LYPLAL1: variants seen among roughly 807,000 people sequenced by gnomAD.
The protein encoded by LYPLAL1 is lysophospholipase-like protein 1.
A neutral mutation model predicts 19.7 loss-of-function variants in LYPLAL1; 23 were observed. The ratio of observed to expected loss-of-function variants is 1.17; its 90% CI spans 0.84 to 1.65. LYPLAL1 has a LOEUF of 1.65. Among genes scored for constraint, LYPLAL1 ranks in the 40% most tolerant of loss-of-function variants. LYPLAL1 has a pLI of 0.00. For synonymous variants in LYPLAL1, 119 were observed against 96.3 expected, an observed-to-expected ratio of 1.24 and a Z score of -1.38; for missense variants, 355 against 279.4, an observed-to-expected ratio of 1.27 and a Z score of -1.93.
the LYPLAL1 span, among the ~76,000 whole-genome samples, chr1:219,350,960 C>T: frequency 3.9e-5 from 6 of 151,996 alleles, no homozygotes; most frequent in Non-Finnish European, 8.8e-5. Flanking sequence ...GGGTCAGGGG[C>T]CATTTTCTGA....
At chr1:219,293,153 C>T in the LYPLAL1 span, among the ~76,000 whole-genome samples, 1 of 152,056 alleles carries the variant, frequency 6.6e-6, no homozygotes, top group Non-Finnish European at 1.5e-5. Flanking sequence ...TTGCAGGAGC[C>T]TTTTGAGGAG....
downstream of LYPLAL1, among the ~76,000 whole-genome samples, chr1:219,214,626 G>C (rs1026867727): frequency 6.5e-4 from 98 of 150,986 alleles, 3 homozygotes; most frequent in Admixed American, 6.4e-3. Context: ...TTTGCTTATA[G>C]ATATAAGTTG....
the LYPLAL1 span, among the ~76,000 whole-genome samples, chr1:219,299,764 T>C: frequency 1.3e-5 from 2 of 152,184 alleles, no homozygotes; most frequent in Admixed American, 1.3e-4. Context: ...TGGTTCAGAA[T>C]GGCCTGAAGG....
At chr1:219,441,505 A>G in the LYPLAL1 span, among the ~76,000 whole-genome samples, 1 of 152,210 alleles carries the variant, frequency 6.6e-6, no homozygotes, top group Non-Finnish European at 1.5e-5. Context: ...GAGGCTTATT[A>G]TGCTATTCTC....
At chr1:219,283,273 A>G in the LYPLAL1 span, among the ~76,000 whole-genome samples, 1 of 152,176 alleles carries the variant, frequency 6.6e-6, no homozygotes, top group Non-Finnish European at 1.5e-5. Context: ...CTTTGATTAT[A>G]ATATAGTAAA....
At chr1:219,407,712 A>G in the LYPLAL1 span, among the ~76,000 whole-genome samples, 1 of 152,192 alleles carries the variant, frequency 6.6e-6, no homozygotes, top group African/African-American at 2.4e-5. Flanking sequence ...GATGACAAAC[A>G]TATGTATCTT....
chr1:219,318,377 C>T, the LYPLAL1 span, among the ~76,000 whole-genome samples: 3 of 151,252 alleles, frequency 2.0e-5, no homozygotes, highest in African/African-American at 7.3e-5. Flanking sequence ...GTTACCCCCA[C>T]CCCTCCCCAC....
the LYPLAL1 span, among the ~76,000 whole-genome samples, chr1:219,434,167 A>G: frequency 7.2e-5 from 11 of 152,218 alleles, no homozygotes; most frequent in East Asian, 5.8e-4. Flanking sequence ...CTTAGTTCCA[A>G]TTAAAATAGA....
chr1:219,291,112 C>T, the LYPLAL1 span, among the ~76,000 whole-genome samples: 1 of 152,236 alleles, frequency 6.6e-6, no homozygotes, highest in East Asian at 1.9e-4. Flanking sequence ...TAAAATAACA[C>T]TTGGTATATA....
At chr1:219,322,321 G>A in the LYPLAL1 span, among the ~76,000 whole-genome samples, 1 of 152,158 alleles carries the variant, frequency 6.6e-6, no homozygotes, top group Admixed American at 6.5e-5. Context: ...TAAAAGGGAT[G>A]TAGGAGCTGC....
At chr1:219,375,993 G>A in the LYPLAL1 span, among the ~76,000 whole-genome samples, 47 of 152,048 alleles carry the variant, frequency 3.1e-4, no homozygotes, top group South Asian at 8.1e-3. Flanking sequence ...CACCCGCCTC[G>A]GCCTCCCAAA....
In LYPLAL1 at chr1:219,205,018, A is replaced by G. The variant is rs77550703; in HGVS notation, c.362-5514A>G. Among the ~76,000 whole-genome samples the G allele has an allele frequency of 4.5e-3, 693 of 152,314 alleles. 5 individuals are homozygous for G. Among genetic ancestry groups the G allele is most frequent in the South Asian group, 0.023 (113 of 4,826 alleles). On this transcript the variant is annotated intron_variant, in intron 3 of 4. Transcript: ENST00000366928. Reference sequence around the variant, plus strand: ...ATTTACGTGGATGATCTAAATATCCATCATGACAGGAATGGTTGAGGGAAT... The same window carrying G: ...ATTTACGTGGATGATCTAAATATCCGTCATGACAGGAATGGTTGAGGGAAT...
the LYPLAL1 span, among the ~76,000 whole-genome samples, chr1:219,416,470 A>G: frequency 2.0e-5 from 3 of 152,228 alleles, no homozygotes; most frequent in Admixed American, 6.5e-5. Context: ...TGGTGGTGTT[A>G]GACAGCAATC....
chr1:219,401,457 T>G, the LYPLAL1 span, among the ~76,000 whole-genome samples: 1 of 151,672 alleles, frequency 6.6e-6, no homozygotes, highest in Non-Finnish European at 1.5e-5. Context: ...AGATACATTT[T>G]CAATAATATT....
the LYPLAL1 span, among the ~76,000 whole-genome samples, chr1:219,373,541 C>T: frequency 1.3e-5 from 2 of 152,164 alleles, no homozygotes; most frequent in East Asian, 3.8e-4. Context: ...ATAAGACATT[C>T]CCAGGCCCAT....
chr1:219,297,349 G>T, the LYPLAL1 span, among the ~76,000 whole-genome samples: 1 of 152,164 alleles, frequency 6.6e-6, no homozygotes, highest in African/African-American at 2.4e-5. Flanking sequence ...TTAGTAAATA[G>T]AATACTTCCT....
At chr1:219,227,037 T>C in the LYPLAL1 span, among the ~76,000 whole-genome samples, 2 of 152,250 alleles carry the variant, frequency 1.3e-5, no homozygotes, top group Non-Finnish European at 2.9e-5. Flanking sequence ...ATGAGTGATA[T>C]GTGGAAAAAA....
chr1:219,435,413 CCT>C, the LYPLAL1 span: 1 of 152,130 alleles, frequency 6.6e-6, no homozygotes, highest in Non-Finnish European at 1.5e-5. Flanking sequence ...ATTAACAGCA[CCT>C]GTTAGATAAA....
chr1:219,174,647 C>G (rs1253464946), intron 1 of LYPLAL1, among the ~76,000 whole-genome samples: 1 of 152,158 alleles, frequency 6.6e-6, no homozygotes, highest in Non-Finnish European at 1.5e-5. Flanking sequence ...AATGCTGTAT[C>G]GTTACTTAAC....
Sources: allele counts gnomAD v4.1 joint callset (sites outside exome capture counted in the v4.1 genomes callset), GRCh38; gene constraint gnomAD v4.1.1; transcripts MANE v1.5; gene names NCBI Gene and HGNC (gene_info 2026-07-23, HGNC 2026-07-21).